The following LYRM4 variants were observed in gnomAD, a reference collection of about 807,000 sequenced individuals.
LYRM4 encodes the protein LYR motif containing 4, also known as LYR motif-containing protein 4.
A neutral mutation model predicts 11.7 loss-of-function variants in LYRM4; 9 were observed. That is an observed-to-expected ratio of 0.77 (90% confidence interval 0.46 to 1.34). The LOEUF is 1.34. LYRM4 is among the 40% of genes most tolerant of loss of function. The pLI is 0.00. For missense variants in LYRM4, 133 were observed against 112.5 expected, an observed-to-expected ratio of 1.18 and a Z score of -0.82; for synonymous variants, 42 against 40.4, an observed-to-expected ratio of 1.04 and a Z score of -0.15.
downstream of LYRM4, among the ~76,000 whole-genome samples, chr6:5,099,203 A>G (rs1762424827): frequency 9.3e-6 from 1 of 107,248 alleles, no homozygotes; most frequent in Admixed American, 1.0e-4. The surrounding 1 kb of genome is among the most constrained non-coding windows in gnomAD (Gnocchi z 4.3). Context: ...ATATACTTAT[A>G]TAATTTTTTT....
At chr6:5,117,536 ACT>A (rs1177410762) in intron 2 of LYRM4, among the ~76,000 whole-genome samples, 4 of 149,090 alleles carry the variant, frequency 2.7e-5, no homozygotes, top group African/African-American at 1.0e-4. Context: ...ACAGAGCGAG[ACT>A]CTGTCTCAAA....
the LYRM4 span, among the ~76,000 whole-genome samples, chr6:5,076,730 T>C: frequency 6.6e-6 from 1 of 152,196 alleles, no homozygotes; most frequent in Non-Finnish European, 1.5e-5. Context: ...GTGGGGATCA[T>C]GGATGTTGGA....
chr6:5,179,065 C>CAAAACAAAAACAAAAAAAAAAA (rs1561851701), intron 2 of LYRM4, among the ~76,000 whole-genome samples: 1 of 103,914 alleles, frequency 9.6e-6, no homozygotes, highest in African/African-American at 4.0e-5. Flanking sequence ...ACCAAAAAAA[C>CAAAACAAAAACAAAAAAAAAAA]AAAAAAAAAA....
intron 2 of LYRM4, among the ~76,000 whole-genome samples, chr6:5,120,230 C>T (rs1252782145): frequency 6.6e-6 from 1 of 152,148 alleles, no homozygotes; most frequent in East Asian, 1.9e-4. Context: ...TCAAAGAGCC[C>T]AAAGTCGTGG....
At chr6:5,144,622 CTCAA>C (rs1757601217) in intron 2 of LYRM4, among the ~76,000 whole-genome samples, 2 of 43,686 alleles carry the variant, frequency 4.6e-5, no homozygotes, top group African/African-American at 1.8e-4. Flanking sequence ...GAGACTCCGT[CTCAA>C]AAAAAAAAAA....
chr6:5,086,585 G>T, the LYRM4 span: 1 of 1,466,642 alleles, frequency 6.8e-7, no homozygotes, highest in Non-Finnish European at 9.0e-7. Context: ...TCGAAGAGCC[G>T]TGGGGCGGGG....
intron 1 of LYRM4, among the ~76,000 whole-genome samples, chr6:5,219,414 T>C (rs555075967): frequency 4.6e-5 from 7 of 152,360 alleles, no homozygotes; most frequent in African/African-American, 1.7e-4. Context: ...AAATTTTCGA[T>C]GCACTTTCGA....
At chr6:5,086,149 C>G in the LYRM4 span, 1 of 1,515,272 alleles carries the variant, frequency 6.6e-7, no homozygotes, top group Non-Finnish European at 8.8e-7. Context: ...GTGCCTGGAG[C>G]GCGTGCAGTG....
intron 1 of LYRM4, 50 bp downstream of exon 1, chr6:5,260,598 T>TGCCCCGGCCCCGGG: frequency 8.1e-6 from 9 of 1,105,562 alleles, no homozygotes; most frequent in African/African-American, 1.7e-5. Context: ...GCACCCCCGG[T>TGCCCCGGCCCCGGG]CCCCGGCCCC....
chr6:5,143,161 G>C (rs1465048117), intron 2 of LYRM4, among the ~76,000 whole-genome samples: 1 of 152,228 alleles, frequency 6.6e-6, no homozygotes, highest in Non-Finnish European at 1.5e-5. Flanking sequence ...TAGCGCTCTA[G>C]GGCCTGTGGC....
intron 1 of LYRM4, among the ~76,000 whole-genome samples, chr6:5,242,834 C>T (rs956179425): frequency 2.5e-4 from 36 of 146,570 alleles, no homozygotes; most frequent in Non-Finnish European, 4.5e-4. Flanking sequence ...ACTGCAGTGG[C>T]GCAATCTCGG....
intron 1 of LYRM4, among the ~76,000 whole-genome samples, chr6:5,255,994 G>GT (rs1448869497): frequency 6.6e-6 from 1 of 151,826 alleles, no homozygotes; most frequent in East Asian, 1.9e-4. Flanking sequence ...ACTATCCTAA[G>GT]TACTTGATGT....
chr6:5,230,986 A>G lies in LYRM4; in HGVS notation c.87-14248T>C, dbSNP rs1763204567. Among the ~76,000 whole-genome samples, 9 of 152,328 alleles carry G rather than the reference A, an allele frequency of 5.9e-5. No individual in the cohort carries two copies. The South Asian group carries it at 1.9e-3, about 32-fold the overall frequency. ...AGAAGGAAAAAAAGTCCATATAAACACATTTCAAGGCCAGGTGCGGTGGCT... is the reference window on the plus strand; with the variant it reads ...AGAAGGAAAAAAAGTCCATATAAACGCATTTCAAGGCCAGGTGCGGTGGCT... On this transcript the variant is annotated intron_variant, in intron 1 of 2. Transcript: ENST00000330636.
chr6:5,150,903 A>C (rs1010422568), intron 2 of LYRM4, among the ~76,000 whole-genome samples: 2 of 152,050 alleles, frequency 1.3e-5, no homozygotes, highest in South Asian at 4.2e-4. Flanking sequence ...ATGGTATAGC[A>C]TTCTCTTCCA....
At chr6:5,166,906 A>G (rs1759119062) in intron 2 of LYRM4, among the ~76,000 whole-genome samples, 1 of 152,222 alleles carries the variant, frequency 6.6e-6, no homozygotes, top group African/African-American at 2.4e-5. Flanking sequence ...GAAACTTGTC[A>G]AAACCAAAAA....
intron 1 of LYRM4, among the ~76,000 whole-genome samples, chr6:5,222,588 G>A (rs1052056340): frequency 1.3e-5 from 2 of 152,116 alleles, no homozygotes; most frequent in African/African-American, 4.8e-5. Flanking sequence ...TCCTTCTCTT[G>A]AATGGGGCGG....
intron 2 of LYRM4, among the ~76,000 whole-genome samples, chr6:5,116,192 G>A (rs1763111254): frequency 6.6e-6 from 1 of 152,176 alleles, no homozygotes; most frequent in Admixed American, 6.6e-5. Context: ...ATACAGAACT[G>A]ATGAAGACAA....
the LYRM4 span, chr6:5,085,731 G>A: frequency 2.3e-5 from 35 of 1,544,256 alleles, no homozygotes; most frequent in Non-Finnish European, 2.5e-5. Flanking sequence ...GCTGCCGCGC[G>A]CGCTCCTTTT....
chr6:5,095,013 G>A, the LYRM4 span, among the ~76,000 whole-genome samples: 3 of 152,082 alleles, frequency 2.0e-5, no homozygotes, highest in South Asian at 2.1e-4. Context: ...CAAGATAATC[G>A]TTCGAGATGA....
Sources: gnomAD v4.1 joint callset for allele counts (sites outside exome capture counted in the v4.1 genomes callset) on GRCh38, gnomAD v4.1.1 for gene constraint, Gnocchi (gnomAD v3.1) non-coding constraint, MANE v1.5 for transcripts, NCBI Gene and HGNC (gene_info 2026-07-23, HGNC 2026-07-21) for gene names.